SEMA3C: variants seen among roughly 807,000 people sequenced by gnomAD.
The protein encoded by SEMA3C is semaphorin-3C.
Under a neutral mutation model 89.4 loss-of-function variants are expected in SEMA3C, and 47 were observed. The ratio of observed to expected loss-of-function variants is 0.53; its 90% CI spans 0.42 to 0.67. The LOEUF is 0.67. Among genes scored for constraint, SEMA3C ranks in the 30% least tolerant of loss-of-function variants. SEMA3C has a pLI of 0.00. For missense variants in SEMA3C, 839 were observed against 929.1 expected (o/e 0.90, Z 1.26); for synonymous variants, 310 against 320.2 (o/e 0.97, Z 0.34).
At chr7:80,887,651 C>T (rs1791514645) in intron 2 of SEMA3C, among the ~76,000 whole-genome samples, 1 of 152,114 alleles carries the variant, frequency 6.6e-6, no homozygotes, top group South Asian at 2.1e-4. Context: ...ACAGGCTTTA[C>T]ATTTCTTAGA....
intron 16 of SEMA3C, among the ~76,000 whole-genome samples, chr7:80,750,473 T>TACACACACACACACAC (rs56793292): frequency 3.6e-4 from 20 of 55,444 alleles, no homozygotes; most frequent in Non-Finnish European, 5.6e-4. Flanking sequence ...TATATATATA[T>TACACACACACACACAC]ACACACACAC....
At chr7:80,802,443 G>A (rs1011885151) in intron 9 of SEMA3C, among the ~76,000 whole-genome samples, 1 of 151,954 alleles carries the variant, frequency 6.6e-6, no homozygotes, top group African/African-American at 2.4e-5. Context: ...CATATATTAT[G>A]GTGAATTCAA....
In SEMA3C at chr7:80,865,953, AAATAT is replaced by A. The variant is rs372667211; in HGVS notation, c.104-37213_104-37209del. Among the ~76,000 whole-genome samples the A allele has an allele frequency of 8.4e-3, 1,284 of 152,328 alleles. 5 individuals carry two copies. Among genetic ancestry groups the A allele is most frequent in the Non-Finnish European group, 0.013 (864 of 68,036 alleles). On this transcript the variant is annotated intron_variant, in intron 2 of 17. Transcript: ENST00000265361. ...TCCTTACATTATAGTTAACAACAGT[AAATAT>A]ATTAAGAGGATGTACCATAGTTTTC...
chr7:80,834,839 C>T (rs577893786), intron 2 of SEMA3C, among the ~76,000 whole-genome samples: 42 of 152,258 alleles, frequency 2.8e-4, no homozygotes, highest in Non-Finnish European at 5.0e-4. Flanking sequence ...TAAATCATCT[C>T]CAGATTACAT....
At chr7:80,916,415 G>GAGTA (rs1792275322) in intron 2 of SEMA3C, among the ~76,000 whole-genome samples, 2 of 152,168 alleles carry the variant, frequency 1.3e-5, no homozygotes, top group Admixed American at 6.5e-5. Flanking sequence ...TCTCCTCTGT[G>GAGTA]AGTACACAGG....
intron 2 of SEMA3C, among the ~76,000 whole-genome samples, chr7:80,832,217 A>G (rs1276243697): frequency 6.6e-6 from 1 of 152,170 alleles, no homozygotes; most frequent in Admixed American, 6.6e-5. Flanking sequence ...GACATTGTGA[A>G]GAGAGTACTC....
intron 10 of SEMA3C, among the ~76,000 whole-genome samples, chr7:80,798,678 T>C (rs1442669260): frequency 6.6e-6 from 1 of 152,224 alleles, no homozygotes; most frequent in African/African-American, 2.4e-5. Flanking sequence ...TATTTTAATA[T>C]GAGAGTGTTC....
At chr7:80,922,172 A>G, upstream of SEMA3C, 1 of 1,048,686 alleles carries the variant, frequency 9.5e-7, no homozygotes, top group Non-Finnish European at 1.3e-6. Context: ...CCCAAAGTCA[A>G]ATGGGTAGTA....
In SEMA3C at chr7:80,882,412, CTTTTTTTTTTTT is replaced by C. The variant is rs763742493; in HGVS notation, c.103+34255_103+34266del. Among the ~76,000 whole-genome samples the C allele has an allele frequency of 5.0e-3, 234 of 46,666 alleles. 3 individuals are homozygous for C. Among genetic ancestry groups the C allele is most frequent in the African/African-American group, 0.02 (219 of 10,762 alleles). 30.6% of individuals were successfully genotyped at this position (46,666 alleles called of 152,430 possible). On this transcript the variant is annotated intron_variant, in intron 2 of 17. Coordinates refer to ENST00000265361, the MANE Select transcript of SEMA3C (RefSeq NM_006379.5). ...TACATTCTGGAATTTGTAAGGGATG[CTTTTTTTTTTTT>C]TTTTTTTTTTTTTTTGGTATTTTCA...
In SEMA3C at chr7:80,745,226, G is replaced by A. The variant is rs145424497; in HGVS notation, c.1924C>T (p.His642Tyr). Residue 642 changes from histidine (H) to tyrosine (Y), a missense_variant, in exon 18 of 18, where the codon CAC becomes TAC. By Grantham distance (83) the His-to-Tyr change is moderately conservative. Transcript: ENST00000265361. ...AAACTATTTTCTGTAGCAATGCAGT[G>A]ATAAAGTCCTTGGTCAGAACCCTGA... ...SVQGSDQGLYHCIATENSFKQ... is the reference protein window; with the variant it reads ...SVQGSDQGLYYCIATENSFKQ... 2 of 1,613,946 alleles carry A rather than the reference G, an allele frequency of 1.2e-6. No homozygotes were observed. Among genetic ancestry groups the A allele is most frequent in the Non-Finnish European group, 1.7e-6 (2 of 1,179,994 alleles).
At chr7:80,807,988 T>C (rs1328136465) in intron 6 of SEMA3C, among the ~76,000 whole-genome samples, 2 of 152,202 alleles carry the variant, frequency 1.3e-5, no homozygotes, top group African/African-American at 2.4e-5. Flanking sequence ...AATTGTTTAG[T>C]GACTTTCATT....
Position 80,827,255 on chromosome 7 carries a change from G to C in SEMA3C, c.327+170C>G, listed in dbSNP as rs146613625. Reference sequence around the variant, plus strand: ...CAGTTAGGAATTCTGAAGTTACAGAGAGCCCAAGAGTTCCAGTCTCCTCAA... The same window carrying C: ...CAGTTAGGAATTCTGAAGTTACAGACAGCCCAAGAGTTCCAGTCTCCTCAA... On this transcript the variant is annotated intron_variant, in intron 4 of 17. Coordinates refer to ENST00000265361, the MANE Select transcript of SEMA3C (RefSeq NM_006379.5). Among the ~76,000 whole-genome samples the C allele has an allele frequency of 4.5e-4, 69 of 152,216 alleles. No individual in the cohort carries two copies. In the East Asian group the frequency reaches 9.8e-3, roughly 22 times the overall value.
At chr7:80,906,050 C>T in intron 2 of SEMA3C, 1 of 380,300 alleles carries the variant, frequency 2.6e-6, no homozygotes, top group Non-Finnish European at 4.9e-6. Context: ...ACAAGCTTTA[C>T]AAAAGGGCCT....
At chr7:80,890,049 T>A (rs1172303763) in intron 2 of SEMA3C, among the ~76,000 whole-genome samples, 2 of 152,210 alleles carry the variant, frequency 1.3e-5, no homozygotes, top group Non-Finnish European at 2.9e-5. Context: ...CCATTTGTTT[T>A]CAGAAGTCCA....
chr7:80,823,814 T>C (rs1269873211), intron 4 of SEMA3C, among the ~76,000 whole-genome samples: 5 of 152,134 alleles, frequency 3.3e-5, no homozygotes, highest in Non-Finnish European at 7.4e-5. Flanking sequence ...TTCATGGATA[T>C]GTTTGACAGC....
At chr7:80,800,555 T>A (rs1310468155) in intron 10 of SEMA3C, among the ~76,000 whole-genome samples, 1 of 152,208 alleles carries the variant, frequency 6.6e-6, no homozygotes, top group East Asian at 1.9e-4. Flanking sequence ...TCATTACAAA[T>A]ACTCTCTACA....
chr7:80,873,544 C>T (rs1038819094), intron 2 of SEMA3C, among the ~76,000 whole-genome samples: 2 of 152,138 alleles, frequency 1.3e-5, no homozygotes, highest in African/African-American at 4.8e-5. Context: ...GCAAGGAGAA[C>T]TGAGTAACAT....
intron 2 of SEMA3C, among the ~76,000 whole-genome samples, chr7:80,865,262 C>T (rs754079158): frequency 1.3e-5 from 2 of 152,008 alleles, no homozygotes; most frequent in Non-Finnish European, 2.9e-5. Context: ...GTCAGAGATA[C>T]AGAAACTTTT....
chr7:80,812,994 C>T lies in SEMA3C; in HGVS notation c.448-2293G>A, dbSNP rs139057779. Among the ~76,000 whole-genome samples the T allele has an allele frequency of 3.8e-3, 513 of 135,458 alleles. 25 individuals are homozygous for T. The East Asian group carries it at 0.067, about 18-fold the overall frequency. 88.9% of individuals were successfully genotyped at this position (135,458 alleles called of 152,430 possible). On this transcript the variant is annotated intron_variant, in intron 5 of 17. Transcript: ENST00000265361. ...TTTTTTTTTTTTTTTTTAATAGAGA[C>T]GGGGCTTTCGCCATGTTCCCCGGGC... is the stretch of plus-strand genomic sequence containing the variant.
Sources: allele counts gnomAD v4.1 joint callset (sites outside exome capture counted in the v4.1 genomes callset), GRCh38; gene constraint gnomAD v4.1.1; transcripts MANE v1.5; gene names NCBI Gene and HGNC (gene_info 2026-07-23, HGNC 2026-07-21).